The following SPATA6L variants were observed in gnomAD, a reference collection of about 807,000 sequenced individuals.
SPATA6L encodes the protein spermatogenesis associated 6-like protein.
Under a neutral mutation model 49.2 loss-of-function variants are expected in SPATA6L, and 68 were observed. The observed-to-expected ratio is 1.38, with a 90% CI of 1.14 to 1.69. SPATA6L has a LOEUF of 1.69. SPATA6L is among the 40% of genes most tolerant of loss of function. The pLI is 0.00. For synonymous variants in SPATA6L, 198 were observed against 165.7 expected (o/e 1.19, Z -1.50); for missense variants, 668 against 464.3 (o/e 1.44, Z -4.03).
chr9:4,625,525 A>C lies in SPATA6L; in HGVS notation c.471T>G (p.His157Gln). 1 of 1,612,588 alleles carries C rather than the reference A, an allele frequency of 6.2e-7. No individual in the cohort carries two copies. Among genetic ancestry groups the C allele is most frequent in the Middle Eastern group, 1.7e-4 (1 of 6,056 alleles). Residue 157 changes from histidine (H) to glutamine (Q), a missense_variant, in exon 6 of 12, where the codon CAT (histidine) becomes CAG (glutamine). His to Gln is a conservative substitution (Grantham distance 24). Coordinates refer to ENST00000682582, the MANE Select transcript of SPATA6L (RefSeq NM_001353486.2). ...TAGTATTTAAGGGAAATATTGGTTCATGTGATGTAGATAAAGGCCTCCGTG... is the reference window on the plus strand; with the variant it reads ...TAGTATTTAAGGGAAATATTGGTTCCTGTGATGTAGATAAAGGCCTCCGTG... Reference protein sequence around the residue: ...HESRRPLSTSHEPIFPLNTIK... With the variant: ...HESRRPLSTSQEPIFPLNTIK...
chr9:4,663,263 A>G (rs1200642147), intron 1 of SPATA6L: 2 of 1,610,392 alleles, frequency 1.2e-6, no homozygotes, highest in East Asian at 2.2e-5. Context: ...GTCAACGATG[A>G]CACCATCTCA....
chr9:4,617,915 C>T lies in SPATA6L; in HGVS notation c.995+8G>A, dbSNP rs1240329130. 1.2e-6 allele frequency: 2 copies of T among 1,600,406 alleles called. No individual in the cohort carries two copies. The highest frequency in any genetic ancestry group is 1.3e-5 in the African/African-American group (1 of 74,662). On this transcript the variant is annotated splice_region_variant and intron_variant, in intron 9 of 11. Transcript: ENST00000682582. ...CGTCAGGCAAACAGATGGGTGCTTG[C>T]CACTGACCTTTCTCTGAGAAGGGGC...
chr9:4,662,545 G>A lies in SPATA6L; in HGVS notation c.40-509C>T, dbSNP rs1010667552. On this transcript the variant is annotated intron_variant, in intron 1 of 11. Transcript: ENST00000682582. This position sits in a 1 kb window ranked among gnomAD's most constrained non-coding sequence, Gnocchi z 4.9. ...ACGGCCGTGGACCCCACCTGCGCCCGGCTCCGTGCATCGGAGAGCCCAGTT... is the reference window on the plus strand; with the variant it reads ...ACGGCCGTGGACCCCACCTGCGCCCAGCTCCGTGCATCGGAGAGCCCAGTT... 4 of 1,571,532 alleles carry A rather than the reference G, an allele frequency of 2.5e-6. No individual in the cohort carries two copies. The highest frequency in any genetic ancestry group is 3.4e-6 in the Non-Finnish European group (4 of 1,168,128).
At chr9:4,656,000 A>G (rs1446862238) in intron 3 of SPATA6L, 41 bp downstream of exon 3, 2 of 1,505,148 alleles carry the variant, frequency 1.3e-6, no homozygotes, top group Middle Eastern at 1.7e-4. Flanking sequence ...ATTACACACA[A>G]TAGTCTTTTG....
intron 13 of SPATA6L, among the ~76,000 whole-genome samples, chr9:4,591,424 C>T (rs1043790871): frequency 1.3e-5 from 2 of 152,084 alleles, no homozygotes; most frequent in Non-Finnish European, 2.9e-5. Flanking sequence ...TTATCCTGTC[C>T]GGGTCTTTAG....
At chr9:4,663,543 C>T in intron 1 of SPATA6L, 1 of 379,746 alleles carries the variant, frequency 2.6e-6, no homozygotes, top group Non-Finnish European at 5.0e-6. Context: ...AGAAAACAAG[C>T]TGAGGTGGTT....
At chr9:4,597,304 A>C, downstream of SPATA6L, among the ~76,000 whole-genome samples, 1 of 148,960 alleles carries the variant, frequency 6.7e-6, no homozygotes, top group Non-Finnish European at 1.5e-5. Flanking sequence ...ATATATATAA[A>C]AAAAGAAAAC....
chr9:4,649,553 G>A (rs755317563), intron 3 of SPATA6L, among the ~76,000 whole-genome samples: 1 of 152,184 alleles, frequency 6.6e-6, no homozygotes, highest in Non-Finnish European at 1.5e-5. Context: ...AGGTCACACT[G>A]GCTAACAGTG....
intron 3 of SPATA6L, among the ~76,000 whole-genome samples, chr9:4,644,601 A>T (rs1241958993): frequency 6.6e-6 from 1 of 152,142 alleles, no homozygotes; most frequent in African/African-American, 2.4e-5. Flanking sequence ...TGAGAAAGAA[A>T]AAAAGCAGAA....
chr9:4,628,461 TC>T (rs1385978457), intron 5 of SPATA6L: 2 of 152,178 alleles, frequency 1.3e-5, no homozygotes, highest in African/African-American at 4.8e-5. Context: ...ATTATTTTTT[TC>T]TGAGATGGAG....
At chr9:4,603,360 G>A (rs182018110) in intron 11 of SPATA6L, among the ~76,000 whole-genome samples, 35 of 152,316 alleles carry the variant, frequency 2.3e-4, no homozygotes, top group African/African-American at 7.9e-4. Context: ...AACCTGGGGG[G>A]TGGAGGTTGC....
intron 9 of SPATA6L, among the ~76,000 whole-genome samples, chr9:4,615,932 T>C (rs1827883091): frequency 6.6e-6 from 1 of 152,188 alleles, no homozygotes; most frequent in Non-Finnish European, 1.5e-5. Context: ...TGTGGCTGTA[T>C]GCAGATGGAT....
rs1840379144 is a variant in SPATA6L at position 4,663,609 on chromosome 9, TA to T, written c.40-1574del. ...AAGATTTGTGTTTTGTGATAATCCCTAAATCAACATACCACTTGTAAACTGA... is the reference window on the plus strand; with the variant it reads ...AAGATTTGTGTTTTGTGATAATCCCTAATCAACATACCACTTGTAAACTGA... On this transcript the variant is annotated intron_variant, in intron 1 of 11. Transcript: ENST00000682582. 9.1e-5 allele frequency: 23 copies of T among 251,670 alleles called. No individual in the cohort carries two copies. In the South Asian group the frequency reaches 1.7e-3, roughly 18 times the overall value. The allele number at this position is 251,670 out of a possible 1,614,324, so 15.6% of individuals were successfully genotyped here.
At chr9:4,594,403 G>A (rs894967550), downstream of SPATA6L, among the ~76,000 whole-genome samples, 13 of 152,048 alleles carry the variant, frequency 8.5e-5, no homozygotes, top group African/African-American at 1.7e-4. Flanking sequence ...TAGTAGAGAC[G>A]GGGTTTCACC....
intron 4 of SPATA6L, among the ~76,000 whole-genome samples, chr9:4,629,557 T>A (rs79195137): frequency 6.6e-6 from 1 of 152,060 alleles, no homozygotes; most frequent in Non-Finnish European, 1.5e-5. Flanking sequence ...TACCATGGAA[T>A]TGAATGAGAT....
At chr9:4,635,840 C>G (rs1832701550) in intron 3 of SPATA6L, among the ~76,000 whole-genome samples, 1 of 152,152 alleles carries the variant, frequency 6.6e-6, no homozygotes, top group African/African-American at 2.4e-5. Flanking sequence ...ATGACAGCTA[C>G]AGCTGTGATT....
In SPATA6L at chr9:4,633,572, C is replaced by T. The variant is rs1334538067; in HGVS notation, c.351+1703G>A. The T allele has an allele frequency of 2.1e-5, 4 of 191,076 alleles. No homozygotes were observed. In the East Asian group the frequency reaches 4.9e-4, roughly 23 times the overall value. 11.8% of individuals were successfully genotyped at this position (191,076 alleles called of 1,614,324 possible). A position where few individuals can be genotyped will look rare whatever the true frequency, so the allele number is the denominator to read the frequency against. On this transcript the variant is annotated intron_variant, in intron 4 of 11. Coordinates refer to ENST00000682582, the MANE Select transcript of SPATA6L (RefSeq NM_001353486.2). Reference sequence around the variant, plus strand: ...CCCAAGATTCAGTGTCTCGTTACTCCACATGTCCTGTAACACAAACTCTGG... The same window carrying T: ...CCCAAGATTCAGTGTCTCGTTACTCTACATGTCCTGTAACACAAACTCTGG...
At position 4,598,544 on chromosome 9, in the gene SPATA6L, G is replaced by A. The variant is rs764950307; in HGVS notation, c.*2267C>T. On this transcript the variant is annotated 3_prime_UTR_variant, in exon 12 of 12. Transcript: ENST00000682582. ...ATGCAAAAGTAAAGGGAAAAAAAGCGTAATTTAGTGTGAAAACCAAAAATG... is the reference window on the plus strand; with the variant it reads ...ATGCAAAAGTAAAGGGAAAAAAAGCATAATTTAGTGTGAAAACCAAAAATG... Among the ~76,000 whole-genome samples, 3 of 152,138 alleles carry A rather than the reference G, an allele frequency of 2.0e-5. No homozygotes were observed. The highest frequency in any genetic ancestry group is 2.9e-5 in the Non-Finnish European group (2 of 68,020).
rs774223319 is a variant in SPATA6L at position 4,618,917 on chromosome 9, G to A, written c.773-19C>T. 7.4e-6 allele frequency: 12 copies of A among 1,612,110 alleles called. No homozygotes were observed. In the Admixed American group the frequency reaches 1.8e-4, roughly 25 times the overall value. ...GAAGAAGCTAGAAGAAAGAGGAACA[G>A]GCATTTCAATGACTCATTATTACCA... is the stretch of plus-strand genomic sequence containing the variant. On this transcript the variant is annotated intron_variant, in intron 7 of 11. Transcript: ENST00000682582.
Sources: allele counts gnomAD v4.1 joint callset (sites outside exome capture counted in the v4.1 genomes callset), GRCh38; gene constraint gnomAD v4.1.1; non-coding constraint Gnocchi (gnomAD v3.1); transcripts MANE v1.5; gene names NCBI Gene and HGNC (gene_info 2026-07-23, HGNC 2026-07-21).